The following CTCF variants were observed in gnomAD, a reference collection of about 807,000 sequenced individuals.
CTCF encodes transcriptional repressor CTCF.
A neutral mutation model predicts 72.3 loss-of-function variants in CTCF; 7 were observed. The ratio of observed to expected loss-of-function variants is 0.10; its 90% CI spans 0.06 to 0.18. CTCF has a LOEUF of 0.18. Among genes scored for constraint, CTCF ranks in the 10% least tolerant of loss-of-function variants. CTCF has a pLI of 1.00. For missense variants in CTCF, 516 were observed against 949.1 expected, an observed-to-expected ratio of 0.54 and a Z score of 6.00; for synonymous variants, 374 against 315.8, an observed-to-expected ratio of 1.18 and a Z score of -1.95.
In CTCF at chr16:67,611,242, C is replaced by T; in HGVS notation, c.410C>T (p.Ala137Val). Residue 137 changes from alanine (A) to valine (V), a missense_variant, in exon 3 of 12, where the codon GCT becomes GTT. Physicochemically the swap from Ala to Val is moderately conservative, Grantham distance 64. Around this residue, in one of 7 missense-constraint regions of CTCF, gnomAD observed 148 missense variants for 194.9 expected, o/e 0.76. Coordinates refer to ENST00000264010, the MANE Select transcript of CTCF (RefSeq NM_006565.4). The stretch of plus-strand genomic sequence containing the variant: ...ACTTCAGTAGAAGAACTTCAGGGGG[C>T]TTATGAAAATGAAGTGTCTAAAGAG... The part of the protein sequence containing the change: ...ATTSVEELQG[A>V]YENEVSKEGL... The T allele has an allele frequency of 1.2e-6, 2 of 1,614,108 alleles. No individual in the cohort carries two copies. Among genetic ancestry groups the T allele is most frequent in the Non-Finnish European group, 1.7e-6 (2 of 1,180,026 alleles).
intron 2 of CTCF, among the ~76,000 whole-genome samples, chr16:67,572,005 AG>A (rs2051428629): frequency 6.6e-6 from 1 of 152,192 alleles, no homozygotes; most frequent in African/African-American, 2.4e-5. Context: ...TTCAGACCCT[AG>A]AAAAATGTGA....
intron 10 of CTCF, among the ~76,000 whole-genome samples, chr16:67,631,681 C>A (rs1308445998): frequency 2.4e-4 from 9 of 36,928 alleles, no homozygotes; most frequent in African/African-American, 2.2e-3. Context: ...GTCCCCCCCA[C>A]CCCCCCCCCC....
intron 2 of CTCF, among the ~76,000 whole-genome samples, chr16:67,609,771 C>T (rs937639557): frequency 1.2e-4 from 19 of 152,038 alleles, no homozygotes; most frequent in Non-Finnish European, 2.6e-4. Flanking sequence ...TACAGGCGCC[C>T]ACCACCACGC....
chr16:67,633,810 A>ACACACT (rs1555536509), intron 10 of CTCF, among the ~76,000 whole-genome samples: 1 of 151,678 alleles, frequency 6.6e-6, no homozygotes, highest in African/African-American at 2.4e-5. Context: ...ACACACACAC[A>ACACACT]CACACTCTCA....
chr16:67,596,280 C>T (rs1401280428), intron 2 of CTCF, among the ~76,000 whole-genome samples: 3 of 152,144 alleles, frequency 2.0e-5, no homozygotes, highest in Non-Finnish European at 4.4e-5. Flanking sequence ...ACAACCATAG[C>T]AGTTTAACAG....
chr16:67,592,137 C>T (rs1010541408), intron 2 of CTCF, among the ~76,000 whole-genome samples: 14 of 152,072 alleles, frequency 9.2e-5, no homozygotes, highest in Admixed American at 3.3e-4. Context: ...ATCGACTGGA[C>T]GCAGTGGCTC....
chr16:67,603,042 C>G (rs2051918352), intron 2 of CTCF, among the ~76,000 whole-genome samples: 1 of 151,982 alleles, frequency 6.6e-6, no homozygotes, highest in African/African-American at 2.4e-5. Flanking sequence ...AGCCCCTAGC[C>G]TCATGTTGCT....
rs781616750 is a variant in CTCF, at chr16:67,580,772, A to ATTTTTTTTTTTTTTTTTTTTT, written c.-10+9511_-10+9531dup. ...GGCACCTGCCCCAACGCCTGGCCAA[A>ATTTTTTTTTTTTTTTTTTTTT]TTTTTTTTTTTTTTTTTTTTTTTAG... is the stretch of plus-strand genomic sequence containing the variant. On this transcript the variant is annotated intron_variant, in intron 2 of 11. Transcript: ENST00000264010. 1.9e-4 allele frequency among the ~76,000 whole-genome samples: 23 copies of ATTTTTTTTTTTTTTTTTTTTT among 120,166 alleles called. 1 individual carries two copies. The highest frequency in any genetic ancestry group is 7.6e-4 in the African/African-American group (22 of 28,918). The allele number at this position is 120,166 out of a possible 152,430, so 78.8% of individuals were successfully genotyped here. A position where few individuals can be genotyped will look rare whatever the true frequency, so the allele number is the denominator to read the frequency against.
rs1045162944 is a variant in CTCF at position 67,608,323 on chromosome 16, C to CA, written c.-9-2491dup. Among the ~76,000 whole-genome samples the CA allele has an allele frequency of 6.7e-4, 79 of 117,392 alleles. No homozygotes were observed. In the East Asian group the frequency reaches 0.015, roughly 22 times the overall value. The allele number at this position is 117,392 out of a possible 152,430, so 77.0% of individuals were successfully genotyped here. A position where few individuals can be genotyped will look rare whatever the true frequency, so the allele number is the denominator to read the frequency against. ...TGGGCAACAGAGCGAGACTCCGTCT[C>CA]AAAAAAAAAATTAAAAAAAAAAAAA... On this transcript the variant is annotated intron_variant, in intron 2 of 11. Transcript: ENST00000264010.
intron 2 of CTCF, among the ~76,000 whole-genome samples, chr16:67,582,801 C>A (rs2051604234): frequency 6.6e-6 from 1 of 151,636 alleles, no homozygotes; most frequent in Admixed American, 6.6e-5. Flanking sequence ...CTTTTTTGGT[C>A]CTGTTCTTGT....
At chr16:67,611,637 G>T (rs2052064449) in intron 3 of CTCF, 24 bp downstream of exon 3, 2 of 1,595,792 alleles carry the variant, frequency 1.3e-6, no homozygotes, top group African/African-American at 1.4e-5. Context: ...ATCCATAGTG[G>T]TTTCATAAAA....
Position 67,623,632 on chromosome 16 carries a change from C to CA in CTCF, c.1357+2053dup, listed in dbSNP as rs577891033. Among the ~76,000 whole-genome samples, 103 of 138,518 alleles carry CA rather than the reference C, an allele frequency of 7.4e-4. No individual in the cohort carries two copies. In the South Asian group the frequency reaches 0.01, roughly 14 times the overall value. 90.9% of individuals were successfully genotyped at this position (138,518 alleles called of 152,430 possible). A position where few individuals can be genotyped will look rare whatever the true frequency, so the allele number is the denominator to read the frequency against. The stretch of plus-strand genomic sequence containing the variant: ...CTTGGGTGACAGAGAGACCCCATCT[C>CA]AAAAAAAAAAAAGAATCTTAGCCAG... On this transcript the variant is annotated intron_variant, in intron 7 of 11. Transcript: ENST00000264010.
At chr16:67,567,820 G>A (rs2051362142) in intron 1 of CTCF, 1 of 151,082 alleles carries the variant, frequency 6.6e-6, no homozygotes, top group Non-Finnish European at 1.5e-5. Context: ...TTGAACTCCT[G>A]GGCTCAAGCA....
At chr16:67,604,901 G>C (rs897066571) in intron 2 of CTCF, among the ~76,000 whole-genome samples, 6 of 144,602 alleles carry the variant, frequency 4.1e-5, no homozygotes, top group African/African-American at 1.5e-4. Context: ...ACAGTACTGA[G>C]TATATAAAAT....
intron 4 of CTCF, 125 bp from the exon 5 acceptor site, chr16:67,616,620 C>G (rs1219198804): frequency 1.4e-5 from 15 of 1,091,406 alleles, no homozygotes; most frequent in Non-Finnish European, 2.0e-5. Flanking sequence ...TATCTGCTTT[C>G]AAGCTACTGC....
At chr16:67,603,304 G>GT (rs1332095333) in intron 2 of CTCF, among the ~76,000 whole-genome samples, 1 of 152,016 alleles carries the variant, frequency 6.6e-6, no homozygotes, top group East Asian at 1.9e-4. Flanking sequence ...GCTGAGGTGG[G>GT]GGATCACGAG....
intron 1 of CTCF, among the ~76,000 whole-genome samples, 173 bp downstream of exon 1, chr16:67,562,897 G>T: frequency 7.0e-6 from 1 of 143,440 alleles, no homozygotes; most frequent in Non-Finnish European, 1.5e-5. Flanking sequence ...TCGCCGCCGT[G>T]GCCCGGCCGC....
At chr16:67,573,977 G>A (rs1220610827) in intron 2 of CTCF, among the ~76,000 whole-genome samples, 1 of 151,850 alleles carries the variant, frequency 6.6e-6, no homozygotes, top group Admixed American at 6.6e-5. Flanking sequence ...GTTGCAGTGA[G>A]CCGAGATCAT....
chr16:67,603,985 G>T (rs550920238), intron 2 of CTCF, among the ~76,000 whole-genome samples: 1 of 150,176 alleles, frequency 6.7e-6, no homozygotes, highest in South Asian at 2.1e-4. Context: ...AAAAAAATTA[G>T]CCTGGTGCCT....
Sources: allele counts gnomAD v4.1 joint callset (sites outside exome capture counted in the v4.1 genomes callset), GRCh38; gene constraint gnomAD v4.1.1; regional missense constraint gnomAD v4.1.1; transcripts MANE v1.5; gene names NCBI Gene and HGNC (gene_info 2026-07-23, HGNC 2026-07-21).